ROBO1: variants seen among roughly 807,000 people sequenced by gnomAD.
ROBO1 encodes roundabout guidance receptor 1.
In ROBO1, 149 loss-of-function variants were observed where a neutral mutation model predicts 195.9. The ratio of observed to expected loss-of-function variants is 0.76; its 90% CI spans 0.67 to 0.87. The LOEUF (loss-of-function observed/expected upper bound fraction) is 0.87. Among genes scored for constraint, ROBO1 ranks in the 40% least tolerant of loss-of-function variants. The pLI, the probability that ROBO1 is intolerant of heterozygous loss-of-function variation, is 0.00. For synonymous variants in ROBO1, 816 were observed against 733.2 expected (o/e 1.11, Z -1.82); for missense variants, 1,933 against 2,068.3 (o/e 0.93, Z 1.27).
chr3:79,483,445 G>T (rs1247386751), intron 2 of ROBO1, among the ~76,000 whole-genome samples: 1 of 152,194 alleles, frequency 6.6e-6, no homozygotes, highest in African/African-American at 2.4e-5. Context: ...GGATGAAAAT[G>T]CAGTCATGTA....
At chr3:79,694,993 A>AT (rs1163735974) in intron 1 of ROBO1, among the ~76,000 whole-genome samples, 2 of 151,622 alleles carry the variant, frequency 1.3e-5, no homozygotes, top group Non-Finnish European at 3.0e-5. Context: ...CTGTTTTCCC[A>AT]TTTTTTGGAG....
intron 2 of ROBO1, among the ~76,000 whole-genome samples, chr3:79,253,894 A>C (rs1360781541): frequency 6.6e-6 from 1 of 152,216 alleles, no homozygotes; most frequent in Non-Finnish European, 1.5e-5. Flanking sequence ...GTGACTGTAC[A>C]GTAATTTCAG....
rs182509986 is a variant in ROBO1 at position 78,830,108 on chromosome 3, G to A, written c.500-83208C>T. On this transcript the variant is annotated intron_variant, in intron 4 of 30. Transcript: ENST00000464233. ...TATTAAAAGTCAGAAAAACAAATCC[G>A]CCCATGATGGCTAGAGACAAAAGCT... Among the ~76,000 whole-genome samples the A allele has an allele frequency of 2.8e-4, 42 of 152,150 alleles. No individual in the cohort carries two copies. In the East Asian group the frequency reaches 6.4e-3, roughly 23 times the overall value.
intron 2 of ROBO1, among the ~76,000 whole-genome samples, chr3:79,240,696 G>T (rs2082496876): frequency 6.6e-6 from 1 of 151,948 alleles, no homozygotes; most frequent in Non-Finnish European, 1.5e-5. Flanking sequence ...ACCCAGGCTG[G>T]AGTGCAGTGG....
intron 1 of ROBO1, among the ~76,000 whole-genome samples, chr3:79,622,252 A>G (rs1487228500): frequency 6.6e-6 from 1 of 152,188 alleles, no homozygotes; most frequent in Non-Finnish European, 1.5e-5. Context: ...CTAGTGTCCC[A>G]ACCCTGGAAC....
At chr3:79,545,940 C>T (rs1942247193) in intron 2 of ROBO1, among the ~76,000 whole-genome samples, 3 of 152,100 alleles carry the variant, frequency 2.0e-5, no homozygotes. Flanking sequence ...CATGGGTCCA[C>T]TTATTCACAG....
intron 3 of ROBO1, among the ~76,000 whole-genome samples, chr3:79,011,867 C>T (rs1576561849): frequency 6.6e-6 from 1 of 151,832 alleles, no homozygotes. Context: ...ACTAGTCATA[C>T]ATAACAATTT....
chr3:79,296,799 T>C (rs1245050345), intron 2 of ROBO1, among the ~76,000 whole-genome samples: 1 of 152,206 alleles, frequency 6.6e-6, no homozygotes, highest in African/African-American at 2.4e-5. Flanking sequence ...TATTGACTTC[T>C]ATTCAGAAAC....
At chr3:79,412,330 C>T (rs1248526623) in intron 2 of ROBO1, among the ~76,000 whole-genome samples, 1 of 152,166 alleles carries the variant, frequency 6.6e-6, no homozygotes, top group Non-Finnish European at 1.5e-5. Flanking sequence ...TCCTAACCTG[C>T]TCCTGCCATC....
chr3:78,600,185 A>G lies in ROBO1; in HGVS notation c.4869T>C (p.Gly1623=). Residue 1623 remains glycine (G), a synonymous_variant, in exon 30 of 31, where the codon GGT becomes GGC. Transcript: ENST00000464233. ...GSRQREQANV[G]RRNIAEMQVL... Reference sequence around the variant, plus strand: ...CCTGCATTTCTGCAATATTTCTTCGACCTACATTTGCTTGTTCTCTTTGTC... The same window carrying G: ...CCTGCATTTCTGCAATATTTCTTCGGCCTACATTTGCTTGTTCTCTTTGTC... The G allele has an allele frequency of 1.9e-6, 3 of 1,613,574 alleles. No individual in the cohort carries two copies. The highest frequency in any genetic ancestry group is 1.7e-6 in the Non-Finnish European group (2 of 1,179,664).
intron 3 of ROBO1, among the ~76,000 whole-genome samples, chr3:79,105,744 G>A (rs375399027): frequency 6.6e-6 from 1 of 151,826 alleles, no homozygotes; most frequent in East Asian, 1.9e-4. Flanking sequence ...GTGTCATCAT[G>A]TGTATGTAAT....
intron 2 of ROBO1, among the ~76,000 whole-genome samples, chr3:79,558,583 A>G (rs1415687228): frequency 6.6e-6 from 1 of 152,066 alleles, no homozygotes; most frequent in East Asian, 1.9e-4. Context: ...TTTTTCCTCC[A>G]TTTTTCATGG....
intron 3 of ROBO1, among the ~76,000 whole-genome samples, chr3:79,054,668 C>T (rs370350318): frequency 6.6e-5 from 10 of 152,198 alleles, no homozygotes; most frequent in African/African-American, 1.7e-4. Context: ...AACTTAAAAG[C>T]GGCCAAGCTG....
chr3:79,432,714 C>T (rs1354984009), intron 2 of ROBO1, among the ~76,000 whole-genome samples: 2 of 152,062 alleles, frequency 1.3e-5, no homozygotes, highest in Admixed American at 6.6e-5. Flanking sequence ...TCACCCTACC[C>T]CACTCAGGGT....
chr3:78,693,219 G>T, intron 8 of ROBO1: 1 of 1,242,288 alleles, frequency 8.0e-7, no homozygotes, highest in Non-Finnish European at 1.1e-6. Context: ...TGTCTTTGTG[G>T]CCAATGACAA....
chr3:78,863,114 G>T (rs549492384), intron 4 of ROBO1, among the ~76,000 whole-genome samples: 1 of 152,256 alleles, frequency 6.6e-6, no homozygotes, highest in South Asian at 2.1e-4. Flanking sequence ...ACCAGGCAAT[G>T]TTCTGTATGG....
At chr3:79,615,055 A>G (rs1348776845) in intron 1 of ROBO1, among the ~76,000 whole-genome samples, 1 of 152,154 alleles carries the variant, frequency 6.6e-6, no homozygotes, top group Non-Finnish European at 1.5e-5. Context: ...AAACAAGAGT[A>G]TAGGCCATAA....
chr3:79,037,796 C>T (rs1373248876), intron 3 of ROBO1, among the ~76,000 whole-genome samples: 1 of 152,124 alleles, frequency 6.6e-6, no homozygotes, highest in Non-Finnish European at 1.5e-5. Flanking sequence ...ATTTTATGTT[C>T]TAATTTAGCT....
At chr3:78,882,343 C>T (rs540760170) in intron 4 of ROBO1, among the ~76,000 whole-genome samples, 4 of 152,172 alleles carry the variant, frequency 2.6e-5, no homozygotes, top group East Asian at 1.9e-4. Flanking sequence ...TTTTCTAAAA[C>T]GATAGAAGTT....
Sources: allele counts gnomAD v4.1 joint callset (sites outside exome capture counted in the v4.1 genomes callset), GRCh38; gene constraint gnomAD v4.1.1; transcripts MANE v1.5; gene names NCBI Gene and HGNC (gene_info 2026-07-23, HGNC 2026-07-21).